DMBT1: variants seen among roughly 807,000 people sequenced by gnomAD.
DMBT1 encodes the protein scavenger receptor cysteine-rich domain-containing protein DMBT1.
DMBT1 carries 198 observed loss-of-function variants against 252.9 expected under a neutral mutation model. That is an observed-to-expected ratio of 0.78 (90% CI 0.70 to 0.88). The LOEUF is 0.88. Among genes scored for constraint, DMBT1 ranks in the 40% least tolerant of loss-of-function variants. The probability of loss-of-function intolerance (pLI) is 0.00; values close to 1 mark genes in which losing one functional copy is unlikely to be tolerated. For missense variants in DMBT1, 2,432 were observed against 2,404.7 expected (o/e 1.01, Z -0.24); for synonymous variants, 990 against 942.7 (o/e 1.05, Z -0.92).
chr10:122,591,401 C>T, intron 18 of DMBT1, 78 bp from the exon 19 acceptor site: 1 of 1,437,692 alleles, frequency 7.0e-7, no homozygotes, highest in Non-Finnish European at 9.7e-7. Flanking sequence ...TGATGCTTGC[C>T]TTGTCCAGAG....
chr10:122,620,286 C>G lies in DMBT1; in HGVS notation c.5279C>G (p.Thr1760Arg). 4 of 1,613,966 alleles carry G rather than the reference C, an allele frequency of 2.5e-6. No individual in the cohort carries two copies. Among genetic ancestry groups the G allele is most frequent in the Non-Finnish European group, 3.4e-6 (4 of 1,179,874 alleles). Reference protein sequence around the residue: ...TWLTTNLPALTVGSESSLALR... With the variant: ...TWLTTNLPALRVGSESSLALR... ...CTGACCACCAACTTACCGGCATTGACAGTAGGTAAATAATCCTCTCGCCCC... is the reference window on the plus strand; with the variant it reads ...CTGACCACCAACTTACCGGCATTGAGAGTAGGTAAATAATCCTCTCGCCCC... The change falls in exon 43 of 56, where the codon ACA (threonine) becomes AGA (arginine). Residue 1760 changes from threonine to arginine, a missense_variant. Physicochemically the swap from Thr to Arg is moderately conservative, Grantham distance 71 (BLOSUM62 -1). Coordinates refer to ENST00000338354, the MANE Select transcript of DMBT1 (RefSeq NM_001377530.1).
At chr10:122,631,725 T>C (rs191611115) in intron 49 of DMBT1, 130 bp from the exon 50 acceptor site, 181 of 889,416 alleles carry the variant, frequency 2.0e-4, no homozygotes, top group African/African-American at 1.7e-3. Context: ...TAGCAATTGC[T>C]GGGTGGACCT....
chr10:122,636,269 C>T (rs2098226361), intron 53 of DMBT1, 70 bp downstream of exon 53: 1 of 1,373,288 alleles, frequency 7.3e-7, no homozygotes, highest in African/African-American at 1.4e-5. Flanking sequence ...CTCAACTGTC[C>T]TGTTGTTGTG....
intron 42 of DMBT1, among the ~76,000 whole-genome samples, chr10:122,619,747 A>T (rs1305826353): frequency 6.6e-6 from 1 of 152,226 alleles, no homozygotes; most frequent in African/African-American, 2.4e-5. Context: ...AAGCAATGTC[A>T]GTGCAGGCCT....
In DMBT1 at chr10:122,578,743, A is replaced by G; in HGVS notation, c.663A>G (p.Pro221=). ...RPESWPVRIS[P]PVPTEGSESS... ...AAAGTTGGCCTGTCAGGATATCACC[A>G]CCTGTACCCACAGAAGGTAAAGAAT... is the stretch of plus-strand genomic sequence containing the variant. The change falls in exon 9 of 56, where the codon CCA becomes CCG. Residue 221 remains proline, a synonymous_variant. Coordinates refer to ENST00000338354, the MANE Select transcript of DMBT1 (RefSeq NM_001377530.1). 6.2e-7 allele frequency: 1 copy of G among 1,608,524 alleles called. No individual in the cohort carries two copies. The highest frequency in any genetic ancestry group is 8.5e-7 in the Non-Finnish European group (1 of 1,177,250).
chr10:122,592,124 G>A, intron 19 of DMBT1, 148 bp from the exon 20 acceptor site: 1 of 1,355,640 alleles, frequency 7.4e-7, no homozygotes, highest in Admixed American at 2.1e-5. Context: ...CCAGTATGAT[G>A]AAGCTGAACC....
chr10:122,592,812 C>T (rs2097860247), intron 20 of DMBT1, among the ~76,000 whole-genome samples: 1 of 148,704 alleles, frequency 6.7e-6, no homozygotes, highest in African/African-American at 2.4e-5. Flanking sequence ...AACAACAACC[C>T]AGACTTTATC....
In DMBT1 at chr10:122,633,314, G is replaced by T. The variant is rs144201819; in HGVS notation, c.6521G>T (p.Arg2174Leu). Residue 2174 changes from arginine (R) to leucine (L), a missense_variant, in exon 52 of 56, where the codon CGT (arginine) becomes CTT (leucine). Arg to Leu is a moderately radical substitution (Grantham distance 102). This residue lies in a region of DMBT1 where 1,162 missense variants were observed against 1,169.0 expected (regional missense o/e 0.99). Coordinates refer to ENST00000338354, the MANE Select transcript of DMBT1 (RefSeq NM_001377530.1). Reference protein sequence around the residue: ...VWDIEVQNNYRVTVIFRDVQL... With the variant: ...VWDIEVQNNYLVTVIFRDVQL... Reference sequence around the variant, plus strand: ...GACATTGAGGTGCAAAACAACTACCGTGTGACTGTGATCTTCAGAGATGTC... The same window carrying T: ...GACATTGAGGTGCAAAACAACTACCTTGTGACTGTGATCTTCAGAGATGTC... The T allele has an allele frequency of 6.2e-7, 1 of 1,613,810 alleles. No homozygotes were observed. The highest frequency in any genetic ancestry group is 8.5e-7 in the Non-Finnish European group (1 of 1,179,892).
intron 46 of DMBT1, among the ~76,000 whole-genome samples, chr10:122,629,507 C>T (rs1286697061): frequency 6.6e-6 from 1 of 152,210 alleles, no homozygotes; most frequent in Admixed American, 6.5e-5. Context: ...ATCCCACGTC[C>T]CTGTCTGTAG....
intron 26 of DMBT1, 64 bp from the exon 27 acceptor site, chr10:122,600,000 T>A: frequency 6.3e-7 from 1 of 1,589,486 alleles, no homozygotes; most frequent in Non-Finnish European, 8.6e-7. Flanking sequence ...CTTTCCCTCC[T>A]CGTTCCACTT....
At chr10:122,597,469 A>G (rs992453366) in intron 24 of DMBT1, among the ~76,000 whole-genome samples, 7 of 152,320 alleles carry the variant, frequency 4.6e-5, no homozygotes, top group Middle Eastern at 3.4e-3. Context: ...ATGTCAGTGC[A>G]GGCCTGACAC....
chr10:122,566,063 A>G (rs187458137), intron 2 of DMBT1, 67 bp downstream of exon 2: 416 of 1,534,340 alleles, frequency 2.7e-4, no homozygotes, highest in Middle Eastern at 5.1e-4. Context: ...ACTGTTGGCT[A>G]GTTGAGGCTG....
chr10:122,574,247 G>A (rs545239493), intron 6 of DMBT1, among the ~76,000 whole-genome samples: 13 of 152,304 alleles, frequency 8.5e-5, no homozygotes, highest in Admixed American at 6.5e-4. Flanking sequence ...CAGCTCATGG[G>A]CATCAGAGCT....
At position 122,636,193 on chromosome 10, in the gene DMBT1, A is replaced by G; in HGVS notation, c.6751A>G (p.Ser2251Gly). ...AEYYSSPSND[S>G]TNLLCLPNHM... ...GTACTACTCCAGTCCCTCCAATGACAGCACCAGTAAGTCCCCTTGTGGAAA... is the reference window on the plus strand; with the variant it reads ...GTACTACTCCAGTCCCTCCAATGACGGCACCAGTAAGTCCCCTTGTGGAAA... The change falls in exon 53 of 56, where the codon AGC (serine) becomes GGC (glycine). Residue 2251 changes from serine to glycine, a missense_variant. By Grantham distance (56) the Ser-to-Gly change is moderately conservative. Around this residue, in one of 3 missense-constraint regions of DMBT1, gnomAD observed 1,162 missense variants for 1,169.0 expected, o/e 0.99. Transcript: ENST00000338354. 6.2e-7 allele frequency: 1 copy of G among 1,612,478 alleles called. No individual in the cohort carries two copies. The highest frequency in any genetic ancestry group is 8.5e-7 in the Non-Finnish European group (1 of 1,178,784).
At chr10:122,575,306 G>A (rs772482378) in intron 6 of DMBT1, among the ~76,000 whole-genome samples, 17 of 152,150 alleles carry the variant, frequency 1.1e-4, no homozygotes, top group Admixed American at 6.5e-4. Flanking sequence ...TAGGCACATC[G>A]GAATCAGAGT....
At chr10:122,576,780 A>G in intron 7 of DMBT1, 58 bp downstream of exon 7, 4 of 1,601,546 alleles carry the variant, frequency 2.5e-6, no homozygotes, top group Non-Finnish European at 3.4e-6. Flanking sequence ...TAATCCCCAC[A>G]CTTTGGGAGG....
At chr10:122,590,769 C>A in intron 18 of DMBT1, 75 bp downstream of exon 18, 1 of 1,521,648 alleles carries the variant, frequency 6.6e-7, no homozygotes, top group Non-Finnish European at 9.0e-7. Context: ...TTCCACAGAG[C>A]CCTCCTTCTT....
chr10:122,561,773 C>A (rs1591086598), intron 1 of DMBT1, among the ~76,000 whole-genome samples: 2 of 151,720 alleles, frequency 1.3e-5, no homozygotes, highest in African/African-American at 2.4e-5. Context: ...TCCCTGCCCC[C>A]CTCACTGTAT....
chr10:122,578,826 G>A (rs2097736832), intron 9 of DMBT1, 67 bp downstream of exon 9: 2 of 1,450,224 alleles, frequency 1.4e-6, no homozygotes, highest in South Asian at 2.4e-5. Context: ...GGATTTCATA[G>A]TTCACTTATG....
Sources: gnomAD v4.1 joint callset for allele counts (sites outside exome capture counted in the v4.1 genomes callset) on GRCh38, gnomAD v4.1.1 for gene constraint, gnomAD v4.1.1 regional missense constraint, MANE v1.5 for transcripts, NCBI Gene and HGNC (gene_info 2026-07-23, HGNC 2026-07-21) for gene names.